The following FHIT variants were observed in gnomAD, a reference collection of about 807,000 sequenced individuals.
The protein encoded by FHIT is fragile histidine triad diadenosine triphosphatase.
In FHIT, 19 loss-of-function variants were observed where a neutral mutation model predicts 17.9. The observed-to-expected ratio is 1.06, with a 90% CI of 0.74 to 1.56. The LOEUF (loss-of-function observed/expected upper bound fraction) is 1.56. Among genes scored for constraint, FHIT ranks in the 40% most tolerant of loss-of-function variants. The pLI is 0.00. For missense variants in FHIT, 248 were observed against 189.2 expected (o/e 1.31, Z -1.82); for synonymous variants, 81 against 69.7 (o/e 1.16, Z -0.81).
At chr3:60,223,371 G>T (rs1321068678) in intron 5 of FHIT, among the ~76,000 whole-genome samples, 1 of 152,118 alleles carries the variant, frequency 6.6e-6, no homozygotes, top group East Asian at 1.9e-4. Flanking sequence ...GGTCCATCTG[G>T]GCACCAGATC....
intron 5 of FHIT, among the ~76,000 whole-genome samples, chr3:60,130,413 C>T (rs2107260880): frequency 6.6e-6 from 1 of 152,214 alleles, no homozygotes; most frequent in Non-Finnish European, 1.5e-5. Flanking sequence ...AGGAAGGTGC[C>T]ACGGTTATCC....
At chr3:60,970,451 TG>T (rs1709959359) in intron 3 of FHIT, among the ~76,000 whole-genome samples, 3 of 152,174 alleles carry the variant, frequency 2.0e-5, no homozygotes, top group Non-Finnish European at 4.4e-5. Flanking sequence ...TTTAGTGTTT[TG>T]TATTAATATA....
chr3:60,513,862 GA>G (rs1323716984), intron 5 of FHIT, among the ~76,000 whole-genome samples: 1 of 152,142 alleles, frequency 6.6e-6, no homozygotes, highest in East Asian at 1.9e-4. Context: ...GTGCCCATAA[GA>G]ACCCCAAACC....
rs146668353 is a variant in FHIT, at chr3:60,340,540, A to G, written c.103+196320T>C. Among the ~76,000 whole-genome samples, 357 of 152,336 alleles carry G rather than the reference A, an allele frequency of 2.3e-3. 4 individuals carry two copies. The highest frequency in any genetic ancestry group is 8.2e-3 in the African/African-American group (342 of 41,576). ...GGACTTGAACTTCAGACAAGTAACT[A>G]TATGGTTAGAAAGATTAAATATACA... On this transcript the variant is annotated intron_variant, in intron 5 of 9. Coordinates refer to ENST00000492590, the MANE Select transcript of FHIT (RefSeq NM_002012.4).
chr3:60,502,514 C>T (rs1201999229), intron 5 of FHIT, among the ~76,000 whole-genome samples: 1 of 152,190 alleles, frequency 6.6e-6, no homozygotes, highest in African/African-American at 2.4e-5. Context: ...GGTCTTAACC[C>T]TCCAAGGATC....
At chr3:59,909,597 CTTTA>C (rs1186136527) in intron 8 of FHIT, among the ~76,000 whole-genome samples, 1 of 152,136 alleles carries the variant, frequency 6.6e-6, no homozygotes, top group Non-Finnish European at 1.5e-5. Context: ...CAGGGAGTAT[CTTTA>C]TTTTTTTTTC....
intron 7 of FHIT, among the ~76,000 whole-genome samples, chr3:59,995,950 G>A (rs77987618): frequency 6.6e-6 from 1 of 152,034 alleles, no homozygotes; most frequent in Admixed American, 6.6e-5. Flanking sequence ...CCTTCACACA[G>A]GGGTGAGGCC....
chr3:60,910,070 C>T lies in FHIT; in HGVS notation c.-110-88059G>A, dbSNP rs150912853. Among the ~76,000 whole-genome samples, 226 of 152,186 alleles carry T rather than the reference C, an allele frequency of 1.5e-3. 2 individuals carry two copies. Among genetic ancestry groups the T allele is most frequent in the East Asian group, 0.01 (54 of 5,164 alleles). Reference sequence around the variant, plus strand: ...TTCTGATTCCTTTAATGCACTGTCCCGCCCTTTACCCTCTCCCCAAATCTT... The same window carrying T: ...TTCTGATTCCTTTAATGCACTGTCCTGCCCTTTACCCTCTCCCCAAATCTT... On this transcript the variant is annotated intron_variant, in intron 3 of 9. Transcript: ENST00000492590.
chr3:60,132,695 T>C (rs969535461), intron 5 of FHIT, among the ~76,000 whole-genome samples: 5 of 152,152 alleles, frequency 3.3e-5, no homozygotes, highest in African/African-American at 9.6e-5. Flanking sequence ...GAAAAATCTC[T>C]GTACATTTTC....
intron 8 of FHIT, among the ~76,000 whole-genome samples, chr3:59,859,783 T>C (rs570148934): frequency 1.0e-3 from 152 of 152,176 alleles, no homozygotes; most frequent in African/African-American, 3.5e-3. Flanking sequence ...AAAATAATAA[T>C]TAAATGCAGT....
At chr3:60,351,731 T>G (rs962636424) in intron 5 of FHIT, among the ~76,000 whole-genome samples, 6 of 152,178 alleles carry the variant, frequency 3.9e-5, no homozygotes, top group Non-Finnish European at 7.3e-5. Flanking sequence ...ATCTAGAGAA[T>G]CTAATAGTCT....
At chr3:60,994,171 G>T (rs1030729242) in intron 3 of FHIT, among the ~76,000 whole-genome samples, 25 of 151,936 alleles carry the variant, frequency 1.6e-4, no homozygotes, top group African/African-American at 5.8e-4. Context: ...TTTTAATGTG[G>T]TTATTAAACA....
Position 61,022,648 on chromosome 3 carries a change from G to A in FHIT, c.-111+19399C>T, listed in dbSNP as rs573341142. ...GCACATCAAAAAGCTTATCCACCAC[G>A]ATCAAGTTGGCTTAATCCCTGGGAT... On this transcript the variant is annotated intron_variant, in intron 3 of 9. Coordinates refer to ENST00000492590, the MANE Select transcript of FHIT (RefSeq NM_002012.4). Among the ~76,000 whole-genome samples, 8 of 152,214 alleles carry A rather than the reference G, an allele frequency of 5.3e-5. No individual in the cohort carries two copies. The South Asian group carries it at 6.2e-4, about 12-fold the overall frequency.
At chr3:59,974,015 C>T (rs983791703) in intron 7 of FHIT, among the ~76,000 whole-genome samples, 1 of 151,166 alleles carries the variant, frequency 6.6e-6, no homozygotes, top group Non-Finnish European at 1.5e-5. Flanking sequence ...CTAGTTTGTG[C>T]CACATATAAG....
chr3:59,773,372 G>A (rs749409849), intron 8 of FHIT, among the ~76,000 whole-genome samples: 3 of 152,216 alleles, frequency 2.0e-5, no homozygotes, highest in Non-Finnish European at 4.4e-5. Flanking sequence ...AGCATGGGGA[G>A]AGGGAGACAC....
chr3:61,102,166 A>G (rs960917456), intron 2 of FHIT, among the ~76,000 whole-genome samples: 2 of 152,154 alleles, frequency 1.3e-5, no homozygotes, highest in South Asian at 2.1e-4. Flanking sequence ...GTTTTTATCC[A>G]TTCAGTATGA....
At chr3:60,554,495 G>T (rs966033045) in intron 4 of FHIT, among the ~76,000 whole-genome samples, 18 of 152,210 alleles carry the variant, frequency 1.2e-4, no homozygotes, top group Admixed American at 5.9e-4. Flanking sequence ...AGACATTGTG[G>T]ACATATTGGG....
At chr3:60,823,117 T>C (rs937505226) in intron 3 of FHIT, among the ~76,000 whole-genome samples, 15 of 152,170 alleles carry the variant, frequency 9.9e-5, no homozygotes, top group African/African-American at 3.1e-4. Context: ...CAGGCACTAT[T>C]CTCTATAGCA....
chr3:60,678,870 T>A (rs2040682204), intron 4 of FHIT, among the ~76,000 whole-genome samples: 1 of 143,052 alleles, frequency 7.0e-6, no homozygotes, highest in Admixed American at 6.9e-5. Flanking sequence ...CTCCACAAGC[T>A]CTTCCTGAAA....
Sources: allele counts gnomAD v4.1 joint callset (sites outside exome capture counted in the v4.1 genomes callset), GRCh38; gene constraint gnomAD v4.1.1; transcripts MANE v1.5; gene names NCBI Gene and HGNC (gene_info 2026-07-23, HGNC 2026-07-21).